Variants in COL5A2 observed in about 807,000 individuals in gnomAD.
The protein encoded by COL5A2 is collagen type V alpha 2 chain.
A neutral mutation model predicts 208.2 loss-of-function variants in COL5A2; 23 were observed. The ratio of observed to expected loss-of-function variants is 0.11; its 90% CI spans 0.08 to 0.16. The LOEUF is 0.16. Among genes scored for constraint, COL5A2 ranks in the 10% least tolerant of loss-of-function variants. The probability of loss-of-function intolerance (pLI) is 1.00; values close to 1 mark genes in which losing one functional copy is unlikely to be tolerated. For missense variants in COL5A2, 1,590 were observed against 1,956.4 expected (o/e 0.81, Z 3.53); for synonymous variants, 625 against 628.5 (o/e 0.99, Z 0.08).
intron 23 of COL5A2, among the ~76,000 whole-genome samples, chr2:189,065,458 C>T (rs1490040890): frequency 1.3e-5 from 2 of 151,520 alleles, no homozygotes; most frequent in Non-Finnish European, 2.9e-5. Context: ...GAACCTTGGA[C>T]GCAGAGGTTG....
chr2:189,060,841 G>T, intron 30 of COL5A2, 58 bp from the exon 31 acceptor site: 1 of 1,253,352 alleles, frequency 8.0e-7, no homozygotes, highest in Non-Finnish European at 1.2e-6. Context: ...CAGGCTACCA[G>T]TGTTAACAGT....
the COL5A2 span, among the ~76,000 whole-genome samples, chr2:189,365,184 G>A: frequency 6.6e-6 from 1 of 152,086 alleles, no homozygotes; most frequent in Non-Finnish European, 1.5e-5. Flanking sequence ...TATATAAGCA[G>A]TTTATATTCC....
rs79420523 is a variant in COL5A2 at position 189,034,391 on chromosome 2, C to G, written c.4354-175G>C. On this transcript the variant is annotated intron_variant, in intron 53 of 53. Coordinates refer to ENST00000374866, the MANE Select transcript of COL5A2 (RefSeq NM_000393.5). ...TTAGTGTACTTATGTAACAGAATTT[C>G]TTTCATGCTTTAAGTAAATTTCCTT... Among the ~76,000 whole-genome samples, 1,896 of 152,250 alleles carry G rather than the reference C, an allele frequency of 0.012. 49 individuals carry two copies. The highest frequency in any genetic ancestry group is 0.042 in the African/African-American group (1,749 of 41,556).
chr2:189,411,533 T>C, the COL5A2 span, among the ~76,000 whole-genome samples: 1 of 152,202 alleles, frequency 6.6e-6, no homozygotes, highest in Non-Finnish European at 1.5e-5. Context: ...TGGTTGGAAA[T>C]CTATGAACTA....
At chr2:189,216,477 C>T (rs923668334) in intron 1 of COL5A2, among the ~76,000 whole-genome samples, 1 of 151,576 alleles carries the variant, frequency 6.6e-6, no homozygotes, top group Non-Finnish European at 1.5e-5. Context: ...TGCCTGCTGC[C>T]TTGGGATTTC....
chr2:189,047,287 G>A (rs909482651), intron 45 of COL5A2, among the ~76,000 whole-genome samples: 9 of 152,156 alleles, frequency 5.9e-5, no homozygotes, highest in African/African-American at 1.9e-4. Context: ...CTTTGAAGAT[G>A]GTTGCACTAT....
chr2:189,088,140 A>G (rs1228958524), intron 8 of COL5A2, among the ~76,000 whole-genome samples: 1 of 152,208 alleles, frequency 6.6e-6, no homozygotes, highest in African/African-American at 2.4e-5. Flanking sequence ...AATTTATTCA[A>G]TAAAATTGGA....
At chr2:189,431,102 T>G in the COL5A2 span, among the ~76,000 whole-genome samples, 2 of 151,952 alleles carry the variant, frequency 1.3e-5, no homozygotes, top group Admixed American at 6.6e-5. Context: ...GCAGCTGAGG[T>G]ACCTATTAGA....
At chr2:189,388,243 G>T in the COL5A2 span, among the ~76,000 whole-genome samples, 2 of 152,128 alleles carry the variant, frequency 1.3e-5, no homozygotes, top group Non-Finnish European at 2.9e-5. Flanking sequence ...GAGTGACAAG[G>T]CAGGGAGTGC....
chr2:189,066,334 C>A, intron 23 of COL5A2, 56 bp downstream of exon 23: 1 of 1,474,914 alleles, frequency 6.8e-7, no homozygotes, highest in Non-Finnish European at 9.5e-7. Flanking sequence ...TGTTCTCAGA[C>A]TTACACACAT....
At chr2:189,235,308 A>G in the COL5A2 span, among the ~76,000 whole-genome samples, 1 of 151,928 alleles carries the variant, frequency 6.6e-6, no homozygotes, top group Admixed American at 6.6e-5. Context: ...TTCTTACTAA[A>G]TCATCTGTTC....
chr2:189,229,885 A>G (rs1291885446), upstream of COL5A2, among the ~76,000 whole-genome samples: 1 of 151,864 alleles, frequency 6.6e-6, no homozygotes, highest in Non-Finnish European at 1.5e-5. Context: ...ACTTTGGGAA[A>G]GAACAAAGCT....
chr2:189,365,241 C>T, the COL5A2 span, among the ~76,000 whole-genome samples: 1 of 152,172 alleles, frequency 6.6e-6, no homozygotes, highest in Non-Finnish European at 1.5e-5. Context: ...TCAGACACCA[C>T]CCTAGCTTTA....
chr2:189,097,706 T>G (rs1379155883), intron 5 of COL5A2: 2 of 470,588 alleles, frequency 4.2e-6, no homozygotes, highest in Non-Finnish European at 8.4e-6. Context: ...TTTTGAAAAT[T>G]ACATAAATGT....
chr2:189,055,926 T>C (rs1311669921), intron 35 of COL5A2, among the ~76,000 whole-genome samples: 1 of 152,200 alleles, frequency 6.6e-6, no homozygotes, highest in African/African-American at 2.4e-5. Context: ...TGATGTAAAA[T>C]ATTAAAAATA....
chr2:189,324,403 TG>T, the COL5A2 span, among the ~76,000 whole-genome samples: 1 of 152,124 alleles, frequency 6.6e-6, no homozygotes, highest in African/African-American at 2.4e-5. Flanking sequence ...AGAAAATTTT[TG>T]CAATCTACTC....
rs780352184 is a variant in COL5A2 at position 189,033,882 on chromosome 2, G to A, written c.*188C>T. The A allele has an allele frequency of 4.9e-5, 35 of 712,582 alleles. No homozygotes were observed. The highest frequency in any genetic ancestry group is 7.3e-5 in the Non-Finnish European group (31 of 426,706). 44.1% of individuals were successfully genotyped at this position (712,582 alleles called of 1,614,324 possible). A position where few individuals can be genotyped will look rare whatever the true frequency, so the allele number is the denominator to read the frequency against. On this transcript the variant is annotated 3_prime_UTR_variant, in exon 54 of 54. Coordinates refer to ENST00000374866, the MANE Select transcript of COL5A2 (RefSeq NM_000393.5). ...AAATATTTAAAATCAATTAAAACTTGAGGATTGTAAGTAAAATAAATATTC... is the reference window on the plus strand; with the variant it reads ...AAATATTTAAAATCAATTAAAACTTAAGGATTGTAAGTAAAATAAATATTC...
At chr2:189,395,594 T>C in the COL5A2 span, among the ~76,000 whole-genome samples, 2 of 152,040 alleles carry the variant, frequency 1.3e-5, no homozygotes, top group East Asian at 3.9e-4. Flanking sequence ...AAATATATTA[T>C]AAAAGCCATT....
At chr2:189,360,342 C>G in the COL5A2 span, among the ~76,000 whole-genome samples, 3 of 152,036 alleles carry the variant, frequency 2.0e-5, no homozygotes, top group Non-Finnish European at 2.9e-5. Flanking sequence ...TATATTTCAA[C>G]CAGTAAATAG....
Sources: allele counts gnomAD v4.1 joint callset (sites outside exome capture counted in the v4.1 genomes callset), GRCh38; gene constraint gnomAD v4.1.1; transcripts MANE v1.5; gene names NCBI Gene and HGNC (gene_info 2026-07-23, HGNC 2026-07-21).